Variants in CHRM3 observed in about 807,000 individuals in gnomAD.
The protein encoded by CHRM3 is cholinergic receptor muscarinic 3, also known as muscarinic acetylcholine receptor M3.
In CHRM3, 11 loss-of-function variants were observed where a neutral mutation model predicts 41.8. That is an observed-to-expected ratio of 0.26 (90% CI 0.17 to 0.44). The LOEUF is 0.44. CHRM3 is among the 20% of genes least tolerant of loss of function. CHRM3 has a pLI of 1.00. For missense variants in CHRM3, 571 were observed against 745.4 expected, an observed-to-expected ratio of 0.77 and a Z score of 2.72; for synonymous variants, 297 against 301.4, an observed-to-expected ratio of 0.99 and a Z score of 0.15.
chr1:239,415,371 C>T lies in CHRM3; in HGVS notation c.-521+28144C>T, dbSNP rs558427290. Among the ~76,000 whole-genome samples the T allele has an allele frequency of 3.4e-4, 51 of 152,234 alleles. 1 individual carries two copies. Among genetic ancestry groups the T allele is most frequent in the Non-Finnish European group, 6.0e-4 (41 of 68,006 alleles). On this transcript the variant is annotated intron_variant, in intron 1 of 6. Coordinates refer to ENST00000676153, the MANE Select transcript of CHRM3 (RefSeq NM_001375978.1). ...AGGAGAATTGCTTGAGCCCAGGGGA[C>T]GGAGGTTGCAGTGAGCTGAGACTGT...
chr1:239,720,612 T>C (rs1662870483), intron 5 of CHRM3, among the ~76,000 whole-genome samples: 1 of 151,948 alleles, frequency 6.6e-6, no homozygotes, highest in Admixed American at 6.6e-5. Context: ...AAGGGTTTTA[T>C]CTATAGAGAT....
intron 3 of CHRM3, among the ~76,000 whole-genome samples, chr1:239,594,620 T>A (rs1664576007): frequency 6.6e-6 from 1 of 152,194 alleles, no homozygotes; most frequent in African/African-American, 2.4e-5. Context: ...AGATACATTT[T>A]GGGCCACTTC....
chr1:239,477,124 C>G (rs901270105), intron 1 of CHRM3, among the ~76,000 whole-genome samples: 2 of 152,076 alleles, frequency 1.3e-5, no homozygotes, highest in African/African-American at 2.4e-5. Flanking sequence ...ATGATTAAAG[C>G]GAACAGAATA....
intron 2 of CHRM3, among the ~76,000 whole-genome samples, chr1:239,501,009 A>C (rs1194806064): frequency 6.6e-6 from 1 of 152,238 alleles, no homozygotes; most frequent in Admixed American, 6.5e-5. Flanking sequence ...TGTTAAAGTA[A>C]CAGCAGTTAA....
intron 4 of CHRM3, among the ~76,000 whole-genome samples, chr1:239,633,003 C>T (rs1027087580): frequency 2.6e-5 from 4 of 152,198 alleles, no homozygotes; most frequent in Admixed American, 6.5e-5. Context: ...GACGGAGTCT[C>T]GCTCTGTCAC....
At chr1:239,887,497 AC>A (rs1229873121) in intron 6 of CHRM3, among the ~76,000 whole-genome samples, 2 of 152,228 alleles carry the variant, frequency 1.3e-5, no homozygotes, top group Admixed American at 6.5e-5. Context: ...TGCTGGGATT[AC>A]AGGCGTGAGC....
At chr1:239,473,393 CCCAAGAGAAAAT>C (rs1409748385) in intron 1 of CHRM3, among the ~76,000 whole-genome samples, 1 of 151,630 alleles carries the variant, frequency 6.6e-6, no homozygotes, top group Non-Finnish European at 1.5e-5. Context: ...AGAAAGACAT[CCCAAGAGAAAAT>C]TGGAAAGAAA....
intron 5 of CHRM3, among the ~76,000 whole-genome samples, chr1:239,823,507 T>C (rs1027276874): frequency 2.0e-5 from 3 of 152,240 alleles, no homozygotes; most frequent in African/African-American, 2.4e-5. Context: ...TCATTCAGCA[T>C]TGGGACCATA....
chr1:239,674,330 T>G (rs1386286927), intron 4 of CHRM3, among the ~76,000 whole-genome samples: 1 of 152,186 alleles, frequency 6.6e-6, no homozygotes, highest in Non-Finnish European at 1.5e-5. Flanking sequence ...TAGTTCTTTT[T>G]GCAAATGTCA....
At chr1:239,638,502 T>C (rs1286341737) in intron 4 of CHRM3, among the ~76,000 whole-genome samples, 1 of 152,236 alleles carries the variant, frequency 6.6e-6, no homozygotes, top group Non-Finnish European at 1.5e-5. Context: ...TTTGCATTTC[T>C]CTGATGGCCA....
intron 2 of CHRM3, among the ~76,000 whole-genome samples, chr1:239,508,297 G>A (rs1183533177): frequency 2.0e-5 from 3 of 152,130 alleles, no homozygotes; most frequent in Non-Finnish European, 4.4e-5. Context: ...CTTGAGCTCT[G>A]TATTTCAGTA....
chr1:239,593,703 G>T (rs1258586899), intron 3 of CHRM3, among the ~76,000 whole-genome samples: 2 of 152,154 alleles, frequency 1.3e-5, no homozygotes, highest in African/African-American at 4.8e-5. Flanking sequence ...TCCACTGATA[G>T]AGATCTTCAT....
intron 4 of CHRM3, among the ~76,000 whole-genome samples, chr1:239,641,368 TA>T (rs1406317509): frequency 6.7e-6 from 1 of 149,914 alleles, no homozygotes; most frequent in Non-Finnish European, 1.5e-5. Flanking sequence ...AGTGGGGTGT[TA>T]AAGTCTCCCA....
At chr1:239,857,560 T>C (rs1027824928) in intron 6 of CHRM3, among the ~76,000 whole-genome samples, 2 of 152,222 alleles carry the variant, frequency 1.3e-5, no homozygotes, top group African/African-American at 4.8e-5. Flanking sequence ...AAAGTTTATC[T>C]TATAATTCCA....
At chr1:239,863,255 G>A (rs552707993) in intron 6 of CHRM3, among the ~76,000 whole-genome samples, 3 of 152,320 alleles carry the variant, frequency 2.0e-5, no homozygotes, top group Admixed American at 6.5e-5. Flanking sequence ...GGTAGCAACC[G>A]CCTTCAAAGG....
intron 6 of CHRM3, among the ~76,000 whole-genome samples, chr1:239,881,833 A>T (rs1677661081): frequency 6.6e-6 from 1 of 152,164 alleles, no homozygotes; most frequent in African/African-American, 2.4e-5. Flanking sequence ...GATCAACATA[A>T]GCACTGAGGT....
At position 239,910,577 on chromosome 1, in the gene CHRM3, C is replaced by G. The variant is rs1680305714; in HGVS notation, c.*1353C>G. 1 of 149,310 alleles carries G rather than the reference C, an allele frequency of 6.7e-6. No homozygotes were observed. Among genetic ancestry groups the G allele is most frequent in the South Asian group, 2.3e-4 (1 of 4,354 alleles). 9.2% of individuals were successfully genotyped at this position (149,310 alleles called of 1,614,324 possible). ...TAATGCTTCAAATTGATTTCCTTAC[C>G]TTTTGGGAAAAAAAAAAAATTGTTT... is the stretch of plus-strand genomic sequence containing the variant. On this transcript the variant is annotated 3_prime_UTR_variant, in exon 7 of 7. Coordinates refer to ENST00000676153, the MANE Select transcript of CHRM3 (RefSeq NM_001375978.1).
At chr1:239,803,101 A>G (rs1670345588) in intron 5 of CHRM3, among the ~76,000 whole-genome samples, 1 of 152,234 alleles carries the variant, frequency 6.6e-6, no homozygotes, top group South Asian at 2.1e-4. Context: ...TTACATCACA[A>G]TATAAAATAC....
chr1:239,483,724 C>A (rs2148016441), intron 1 of CHRM3, among the ~76,000 whole-genome samples: 1 of 152,228 alleles, frequency 6.6e-6, no homozygotes, highest in East Asian at 1.9e-4. Context: ...TCTAAGTAAA[C>A]AGAAAGTGGT....
Sources: gnomAD v4.1 joint callset for allele counts (sites outside exome capture counted in the v4.1 genomes callset) on GRCh38, gnomAD v4.1.1 for gene constraint, MANE v1.5 for transcripts, NCBI Gene and HGNC (gene_info 2026-07-23, HGNC 2026-07-21) for gene names.